NRXN3: variants seen among roughly 807,000 people sequenced by gnomAD.
NRXN3 encodes neurexin 3, also known as neurexin III.
A neutral mutation model predicts 137.6 loss-of-function variants in NRXN3; 32 were observed. The observed-to-expected ratio is 0.23, with a 90% CI of 0.18 to 0.31. The LOEUF is 0.31. Among genes scored for constraint, NRXN3 ranks in the 10% least tolerant of loss-of-function variants. The pLI is 1.00. For missense variants in NRXN3, 1,574 were observed against 2,062.5 expected (o/e 0.76, Z 4.59); for synonymous variants, 798 against 784.5 (o/e 1.02, Z -0.29).
chr14:78,273,861 A>G (rs1446747584), intron 2 of NRXN3, among the ~76,000 whole-genome samples: 1 of 152,142 alleles, frequency 6.6e-6, no homozygotes, highest in East Asian at 1.9e-4. Flanking sequence ...GTAGTTTTCC[A>G]GAGCGCCACT....
chr14:79,442,399 C>T (rs1315080541), intron 15 of NRXN3, among the ~76,000 whole-genome samples: 3 of 152,158 alleles, frequency 2.0e-5, no homozygotes, highest in Non-Finnish European at 4.4e-5. Context: ...CTGCTTCTAC[C>T]AGGGCTCATA....
chr14:78,173,428 G>T (rs2058933735), intron 1 of NRXN3, among the ~76,000 whole-genome samples: 1 of 151,824 alleles, frequency 6.6e-6, no homozygotes, highest in African/African-American at 2.4e-5. Flanking sequence ...AGGCAGCGGA[G>T]AGATGGGGGA....
At chr14:79,020,860 T>A (rs2099588399) in intron 15 of NRXN3, among the ~76,000 whole-genome samples, 1 of 53,144 alleles carries the variant, frequency 1.9e-5, no homozygotes, top group Non-Finnish European at 4.2e-5. Flanking sequence ...GTGCTTGCAT[T>A]TTACACACAC....
chr14:79,705,402 AG>A (rs1806980599), intron 19 of NRXN3, among the ~76,000 whole-genome samples: 1 of 152,168 alleles, frequency 6.6e-6, no homozygotes, highest in African/African-American at 2.4e-5. Flanking sequence ...ACACAGAGCA[AG>A]AAGAAGGGTG....
intron 20 of NRXN3, among the ~76,000 whole-genome samples, chr14:79,845,796 G>GAC (rs2099366926): frequency 1.4e-5 from 1 of 72,654 alleles, no homozygotes; most frequent in African/African-American, 4.1e-5. Context: ...GGGAGAGAGA[G>GAC]GGAGACGGGG....
At chr14:78,671,735 T>G (rs1024089194) in intron 6 of NRXN3, among the ~76,000 whole-genome samples, 19 of 152,342 alleles carry the variant, frequency 1.2e-4, no homozygotes, top group African/African-American at 4.3e-4. Flanking sequence ...TAGATTTAAC[T>G]GATACTTAGA....
chr14:79,762,135 A>G (rs1306129836), intron 19 of NRXN3, among the ~76,000 whole-genome samples: 2 of 151,626 alleles, frequency 1.3e-5, no homozygotes, highest in Admixed American at 6.6e-5. Flanking sequence ...TCAGCATATT[A>G]TAATTCTTAC....
At chr14:79,289,847 T>A (rs1194701601) in intron 15 of NRXN3, among the ~76,000 whole-genome samples, 2 of 152,150 alleles carry the variant, frequency 1.3e-5, no homozygotes, top group Non-Finnish European at 1.5e-5. Flanking sequence ...CTGCTCCTCA[T>A]CTGGAAGTTG....
chr14:79,821,748 A>G (rs2141049488), intron 20 of NRXN3, among the ~76,000 whole-genome samples: 1 of 149,082 alleles, frequency 6.7e-6, no homozygotes, highest in East Asian at 2.0e-4. Context: ...AGCTTGATGA[A>G]TTTTAGAGTT....
chr14:78,322,227 G>A (rs2079467768), intron 4 of NRXN3, among the ~76,000 whole-genome samples: 1 of 151,914 alleles, frequency 6.6e-6, no homozygotes, highest in Admixed American at 6.6e-5. Flanking sequence ...ATCCTTTGGG[G>A]AAGATGCCTG....
chr14:79,151,051 T>C (rs752682829), intron 15 of NRXN3, among the ~76,000 whole-genome samples: 33 of 152,178 alleles, frequency 2.2e-4, no homozygotes, highest in Non-Finnish European at 4.0e-4. Flanking sequence ...GATCAGGCTC[T>C]GAAAGAATTT....
At chr14:78,824,360 A>G (rs186774491) in intron 10 of NRXN3, among the ~76,000 whole-genome samples, 5 of 152,184 alleles carry the variant, frequency 3.3e-5, no homozygotes, top group Admixed American at 1.3e-4. Context: ...TGTTTCCATG[A>G]GTATCTTCAG....
intron 4 of NRXN3, among the ~76,000 whole-genome samples, chr14:78,550,285 C>T (rs1318306860): frequency 2.0e-5 from 3 of 152,118 alleles, no homozygotes; most frequent in Admixed American, 6.5e-5. Context: ...GTGCTTCTGC[C>T]TCCCACAGTG....
intron 19 of NRXN3, among the ~76,000 whole-genome samples, chr14:79,762,055 G>A (rs898133036): frequency 6.6e-6 from 1 of 151,564 alleles, no homozygotes; most frequent in African/African-American, 2.4e-5. Flanking sequence ...ATGTCTAGGG[G>A]AATGCTGATT....
chr14:79,183,952 G>T (rs1444462158), intron 15 of NRXN3, among the ~76,000 whole-genome samples: 1 of 152,138 alleles, frequency 6.6e-6, no homozygotes, highest in Non-Finnish European at 1.5e-5. Context: ...AGAAAATTGA[G>T]GCTGGGGAAC....
At chr14:78,585,139 A>AG (rs35902147) in intron 4 of NRXN3, among the ~76,000 whole-genome samples, 4,711 of 117,246 alleles carry the variant, frequency 0.04, 81 homozygotes, top group East Asian at 0.099. Context: ...AGGGGAGATA[A>AG]GGGGGGGGGG....
At position 78,913,274 on chromosome 14, in the gene NRXN3, C is replaced by CTTTTTTTTTTTTT. The variant is rs1157942892; in HGVS notation, c.2276-43956_2276-43944dup. Among the ~76,000 whole-genome samples, 49 of 47,840 alleles carry CTTTTTTTTTTTTT rather than the reference C, an allele frequency of 1.0e-3. 1 individual carries two copies. The highest frequency in any genetic ancestry group is 1.4e-3 in the Non-Finnish European group (40 of 28,166). 31.4% of individuals were successfully genotyped at this position (47,840 alleles called of 152,430 possible). A position where few individuals can be genotyped will look rare whatever the true frequency, so the allele number is the denominator to read the frequency against. ...TCTTTCTTTCTTTCTTTCTTTCTTT[C>CTTTTTTTTTTTTT]TTTTTTTTTTTTTTTTTTTTTTTTG... On this transcript the variant is annotated intron_variant, in intron 10 of 20. Coordinates refer to ENST00000335750, the MANE Select transcript of NRXN3 (RefSeq NM_001330195.2).
intron 19 of NRXN3, among the ~76,000 whole-genome samples, chr14:79,765,983 G>GA (rs1302848856): frequency 3.3e-5 from 5 of 151,948 alleles, no homozygotes; most frequent in African/African-American, 9.7e-5. Flanking sequence ...GTATAAAGTA[G>GA]AAAAAAATGG....
intron 10 of NRXN3, among the ~76,000 whole-genome samples, chr14:78,920,021 G>T (rs1292581970): frequency 2.6e-5 from 4 of 152,178 alleles, no homozygotes; most frequent in African/African-American, 9.7e-5. Context: ...TAAAGAAGTT[G>T]AAATTTTCTT....
Sources: gnomAD v4.1 joint callset for allele counts (sites outside exome capture counted in the v4.1 genomes callset) on GRCh38, gnomAD v4.1.1 for gene constraint, MANE v1.5 for transcripts, NCBI Gene and HGNC (gene_info 2026-07-23, HGNC 2026-07-21) for gene names.